Variants in CNTN4 observed in about 807,000 individuals in gnomAD.
CNTN4 encodes contactin-4.
In CNTN4, 77 loss-of-function variants were observed where a neutral mutation model predicts 122.5. The ratio of observed to expected loss-of-function variants is 0.63; its 90% CI spans 0.52 to 0.76. The LOEUF (loss-of-function observed/expected upper bound fraction) is 0.76. CNTN4 is among the 30% of genes least tolerant of loss of function. The pLI, the probability that CNTN4 is intolerant of heterozygous loss-of-function variation, is 0.00. For missense variants in CNTN4, 1,256 were observed against 1,259.1 expected (o/e 1.00, Z 0.04); for synonymous variants, 512 against 447.0 (o/e 1.15, Z -1.83).
rs141541624 is a variant in CNTN4, at chr3:2,788,220, A to G, written c.359-31266A>G. On this transcript the variant is annotated intron_variant, in intron 6 of 24. Coordinates refer to ENST00000418658, the MANE Select transcript of CNTN4 (RefSeq NM_175607.3). Reference sequence around the variant, plus strand: ...TTCTAAGCATTAATTTCAAGTGGACATTTGGGAAGAGAGAAGTAATTCAGG... The same window carrying G: ...TTCTAAGCATTAATTTCAAGTGGACGTTTGGGAAGAGAGAAGTAATTCAGG... Among the ~76,000 whole-genome samples the G allele has an allele frequency of 4.9e-4, 74 of 152,300 alleles. No individual in the cohort carries two copies. In the East Asian group the frequency reaches 0.014, roughly 29 times the overall value.
At chr3:2,812,562 G>T (rs942407026) in intron 6 of CNTN4, among the ~76,000 whole-genome samples, 2 of 141,770 alleles carry the variant, frequency 1.4e-5, no homozygotes, top group Non-Finnish European at 3.2e-5. Context: ...TGTTTTTTTT[G>T]TTTTGTTTTG....
chr3:2,375,595 A>T (rs2045786599), intron 3 of CNTN4, among the ~76,000 whole-genome samples: 1 of 152,184 alleles, frequency 6.6e-6, no homozygotes, highest in Non-Finnish European at 1.5e-5. Context: ...AGCTCCTGCC[A>T]ATTTCTGAAA....
At chr3:2,436,825 TA>T (rs1370152032) in intron 3 of CNTN4, among the ~76,000 whole-genome samples, 1 of 149,734 alleles carries the variant, frequency 6.7e-6, no homozygotes, top group Non-Finnish European at 1.5e-5. Context: ...TATATGTATA[TA>T]TTTTCTTCAA....
At chr3:2,320,391 T>C (rs2043239095) in intron 2 of CNTN4, among the ~76,000 whole-genome samples, 1 of 152,202 alleles carries the variant, frequency 6.6e-6, no homozygotes, top group East Asian at 1.9e-4. Context: ...TATTAGGTTA[T>C]GTGCCTAAAT....
At chr3:2,223,442 C>G (rs1488770704) in intron 2 of CNTN4, among the ~76,000 whole-genome samples, 7 of 152,138 alleles carry the variant, frequency 4.6e-5, no homozygotes, top group African/African-American at 1.7e-4. Flanking sequence ...TAGGAGATGT[C>G]AAGCTGACAC....
At chr3:2,200,388 T>C (rs1052657797) in intron 2 of CNTN4, among the ~76,000 whole-genome samples, 3 of 152,202 alleles carry the variant, frequency 2.0e-5, no homozygotes, top group Non-Finnish European at 4.4e-5. Flanking sequence ...GGTTCCCAAC[T>C]GAGAGCAACT....
chr3:2,174,913 G>T (rs970551768), intron 2 of CNTN4, among the ~76,000 whole-genome samples: 13 of 152,048 alleles, frequency 8.5e-5, no homozygotes, highest in Non-Finnish European at 1.8e-4. Flanking sequence ...ACTCATTATT[G>T]TAAGGACAGC....
intron 4 of CNTN4, among the ~76,000 whole-genome samples, chr3:2,625,362 A>G (rs919357266): frequency 6.6e-6 from 1 of 152,236 alleles, no homozygotes; most frequent in Non-Finnish European, 1.5e-5. Context: ...AAGAATACTT[A>G]CAAAGTATAC....
At position 2,675,773 on chromosome 3, in the gene CNTN4, C is replaced by T. The variant is rs35320229; in HGVS notation, c.56-60442C>T. ...CACCAGCAACTCAAATACGAACACA[C>T]GCTGCTCTTCCTACTGTTACCATGT... On this transcript the variant is annotated intron_variant, in intron 4 of 24. Transcript: ENST00000418658. Among the ~76,000 whole-genome samples the T allele has an allele frequency of 6.0e-3, 909 of 152,316 alleles. 11 individuals are homozygous for T. The highest frequency in any genetic ancestry group is 0.01 in the Middle Eastern group (3 of 292).
intron 3 of CNTN4, among the ~76,000 whole-genome samples, chr3:2,524,821 C>G (rs1357162623): frequency 6.6e-6 from 1 of 151,938 alleles, no homozygotes; most frequent in Non-Finnish European, 1.5e-5. Flanking sequence ...ATAAATGCAA[C>G]TTGAATAAGA....
At chr3:2,286,614 A>G (rs2041911798) in intron 2 of CNTN4, among the ~76,000 whole-genome samples, 1 of 152,188 alleles carries the variant, frequency 6.6e-6, no homozygotes, top group African/African-American at 2.4e-5. Flanking sequence ...AGTGAGATGC[A>G]TTATAGATGA....
At chr3:2,671,376 T>G (rs181446105) in intron 4 of CNTN4, among the ~76,000 whole-genome samples, 1 of 152,366 alleles carries the variant, frequency 6.6e-6, no homozygotes, top group East Asian at 1.9e-4. Context: ...TTCCAGTTGA[T>G]CGAATCGGCT....
At chr3:2,359,551 T>C (rs898364769) in intron 3 of CNTN4, among the ~76,000 whole-genome samples, 1 of 152,142 alleles carries the variant, frequency 6.6e-6, no homozygotes, top group Admixed American at 6.5e-5. Context: ...TGTTTTGTTT[T>C]GTTTTTGAGA....
intron 3 of CNTN4, among the ~76,000 whole-genome samples, chr3:2,517,449 G>T (rs2077071767): frequency 6.6e-6 from 1 of 152,132 alleles, no homozygotes; most frequent in Non-Finnish European, 1.5e-5. Context: ...AGTCCTAGGA[G>T]ATGGTGTGAG....
At chr3:2,802,412 C>CT (rs1430258852) in intron 6 of CNTN4, among the ~76,000 whole-genome samples, 3 of 152,134 alleles carry the variant, frequency 2.0e-5, no homozygotes, top group African/African-American at 7.2e-5. Context: ...GCCTTCTTTG[C>CT]TTTTTTGTTG....
At chr3:2,310,258 A>C (rs1195745728) in intron 2 of CNTN4, among the ~76,000 whole-genome samples, 1 of 152,100 alleles carries the variant, frequency 6.6e-6, no homozygotes, top group Non-Finnish European at 1.5e-5. Flanking sequence ...TACTCTTATA[A>C]ACTTCAGTTT....
intron 3 of CNTN4, among the ~76,000 whole-genome samples, chr3:2,397,010 T>C (rs2046666022): frequency 6.6e-6 from 1 of 152,186 alleles, no homozygotes; most frequent in Non-Finnish European, 1.5e-5. Context: ...GAAGCAGATG[T>C]GGATTGCTTC....
intron 4 of CNTN4, among the ~76,000 whole-genome samples, chr3:2,635,820 C>G (rs1349439622): frequency 2.0e-5 from 3 of 152,142 alleles, no homozygotes; most frequent in Non-Finnish European, 2.9e-5. Flanking sequence ...GAGTTCCTTT[C>G]TCAGGAAACC....
At chr3:2,961,229 C>CAGAAAAAAAAAAAA (rs1577412455) in intron 13 of CNTN4, among the ~76,000 whole-genome samples, 1 of 29,454 alleles carries the variant, frequency 3.4e-5, no homozygotes, top group African/African-American at 1.2e-4. Flanking sequence ...GACTCCATCT[C>CAGAAAAAAAAAAAA]ACAAAAAAAA....
Sources: gnomAD v4.1 joint callset for allele counts (sites outside exome capture counted in the v4.1 genomes callset) on GRCh38, gnomAD v4.1.1 for gene constraint, MANE v1.5 for transcripts, NCBI Gene and HGNC (gene_info 2026-07-23, HGNC 2026-07-21) for gene names.